The following SH2D7 variants were observed in gnomAD, a reference collection of about 807,000 sequenced individuals.
The protein encoded by SH2D7 is SH2 domain-containing protein 7.
In SH2D7, 32 loss-of-function variants were observed where a neutral mutation model predicts 40.8. The ratio of observed to expected loss-of-function variants is 0.78; its 90% CI spans 0.59 to 1.05. SH2D7 has a LOEUF of 1.05. Among genes scored for constraint, SH2D7 ranks in the 50% least tolerant of loss-of-function variants. The probability of loss-of-function intolerance (pLI) is 0.00; values close to 1 mark genes in which losing one functional copy is unlikely to be tolerated. For synonymous variants in SH2D7, 195 were observed against 221.5 expected (o/e 0.88, Z 1.06); for missense variants, 559 against 566.6 (o/e 0.99, Z 0.14).
intron 5 of SH2D7, 85 bp from the exon 6 acceptor site, chr15:78,103,380 A>G (rs1284436604): frequency 6.7e-7 from 1 of 1,493,818 alleles, no homozygotes; most frequent in Non-Finnish European, 9.1e-7. Context: ...CCCCCAACCC[A>G]AGGTCAATGA....
intron 2 of SH2D7, among the ~76,000 whole-genome samples, chr15:78,096,869 C>T (rs550374113): frequency 6.6e-6 from 1 of 152,230 alleles, no homozygotes; most frequent in South Asian, 2.1e-4. Flanking sequence ...ACCCTTGACC[C>T]ATCAACTCTA....
Position 78,101,465 on chromosome 15 carries a change from G to A in SH2D7, c.1212G>A (p.Lys404=), listed in dbSNP as rs1278364155. 1 of 1,613,316 alleles carries A rather than the reference G, an allele frequency of 6.2e-7. No individual in the cohort carries two copies. Among genetic ancestry groups the A allele is most frequent in the South Asian group, 1.1e-5 (1 of 90,988 alleles). The change falls in exon 5 of 6, where the codon AAG becomes AAA. Residue 404 remains lysine (K), a synonymous_variant. Transcript: ENST00000328828. The part of the protein sequence containing the change: ...PTYSPWVHGY[K]RISGTPELSE... Reference sequence around the variant, plus strand: ...ATAGCCCATGGGTCCATGGCTACAAGAGGATCTCAGGGACCCCAGAGCTCT... The same window carrying A: ...ATAGCCCATGGGTCCATGGCTACAAAAGGATCTCAGGGACCCCAGAGCTCT...
At chr15:78,090,602 G>A (rs1329043576), upstream of SH2D7, among the ~76,000 whole-genome samples, 2 of 149,544 alleles carry the variant, frequency 1.3e-5, no homozygotes, top group African/African-American at 5.0e-5. Context: ...CAGACCTTCT[G>A]TATTTCAGAA....
chr15:78,098,228 G>T (rs1450982513), intron 3 of SH2D7, 134 bp downstream of exon 3: 7 of 1,402,346 alleles, frequency 5.0e-6, no homozygotes, highest in Non-Finnish European at 5.8e-6. Context: ...GTGGGGTCAT[G>T]ATCCCTATTG....
Position 78,101,132 on chromosome 15 carries a change from T to C in SH2D7, c.879T>C (p.Asp293=). ...RLSDGEQNRP[D]GLGPVLSGVS... ...CAGATGGAGAACAGAACAGGCCTGATGGCCTGGGGCCTGTCCTTTCTGGGG... is the reference window on the plus strand; with the variant it reads ...CAGATGGAGAACAGAACAGGCCTGACGGCCTGGGGCCTGTCCTTTCTGGGG... Residue 293 remains aspartate (D), a synonymous_variant, in exon 5 of 6, where the codon GAT becomes GAC. Transcript: ENST00000328828. 6.4e-7 allele frequency: 1 copy of C among 1,560,576 alleles called. No individual in the cohort carries two copies. Among genetic ancestry groups the C allele is most frequent in the South Asian group, 1.2e-5 (1 of 81,164 alleles).
chr15:78,094,820 A>G (rs1164028694), intron 2 of SH2D7, among the ~76,000 whole-genome samples: 1 of 152,136 alleles, frequency 6.6e-6, no homozygotes, highest in Non-Finnish European at 1.5e-5. Flanking sequence ...GACTCCTGCA[A>G]TTGCCTGGAT....
chr15:78,092,487 T>G, upstream of SH2D7: 2 of 1,333,980 alleles, frequency 1.5e-6, no homozygotes, highest in Non-Finnish European at 2.0e-6. Context: ...TATGGGCCCT[T>G]GGGTAGGGCA....
Position 78,100,968 on chromosome 15 carries a change from A to C in SH2D7, c.715A>C (p.Ser239Arg). 6.2e-7 allele frequency: 1 copy of C among 1,613,956 alleles called. No homozygotes were observed. The highest frequency in any genetic ancestry group is 8.5e-7 in the Non-Finnish European group (1 of 1,179,882). Residue 239 changes from serine to arginine, a missense_variant, in exon 5 of 6, where the codon AGT (serine) becomes CGT (arginine). Transcript: ENST00000328828. The stretch of plus-strand genomic sequence containing the variant: ...CCTGGAAGAGTCTTTTGGAGGCCCC[A>C]GTGACATCATCTATGCAGACCTGAG... ...SLLEESFGGP[S>R]DIIYADLRRM...
At chr15:78,100,447 C>T (rs1486886708) in intron 4 of SH2D7, among the ~76,000 whole-genome samples, 6 of 152,124 alleles carry the variant, frequency 3.9e-5, no homozygotes, top group Non-Finnish European at 8.8e-5. Context: ...CCTGTAATCC[C>T]AGCACTTTGG....
In SH2D7 at chr15:78,097,868, CT is replaced by C. The variant is rs747815116; in HGVS notation, c.267-60del. 740 of 1,584,202 alleles carry C rather than the reference CT, an allele frequency of 4.7e-4. 1 individual carries two copies. The highest frequency in any genetic ancestry group is 6.1e-4 in the Non-Finnish European group (707 of 1,164,826). On this transcript the variant is annotated intron_variant, in intron 2 of 5. Coordinates refer to ENST00000328828, the MANE Select transcript of SH2D7 (RefSeq NM_001101404.2). ...TGCACCCAGGCACAGAGCTCAGACC[CT>C]GGGCCAAGGCTGGGCTGCCTGTGAC...
At chr15:78,090,407 C>CTAAA (rs540151382), upstream of SH2D7, among the ~76,000 whole-genome samples, 94 of 151,856 alleles carry the variant, frequency 6.2e-4, no homozygotes, top group African/African-American at 1.9e-3. Context: ...GGCTCTGTCT[C>CTAAA]TAAATAAATA....
chr15:78,098,050 C>G lies in SH2D7; in HGVS notation c.388C>G (p.Gln130Glu). 1 of 1,613,806 alleles carries G rather than the reference C, an allele frequency of 6.2e-7. No individual in the cohort carries two copies. The highest frequency in any genetic ancestry group is 8.5e-7 in the Non-Finnish European group (1 of 1,179,784). The part of the protein sequence containing the change: ...AELVHHYQEA[Q>E]LEPFKEMLTA... Reference sequence around the variant, plus strand: ...GCTTGTGCACCATTACCAGGAGGCACAGCTCGAGCCCTTCAAAGAGATGCT... The same window carrying G: ...GCTTGTGCACCATTACCAGGAGGCAGAGCTCGAGCCCTTCAAAGAGATGCT... Residue 130 changes from glutamine to glutamate, a missense_variant, in exon 3 of 6, where the codon CAG becomes GAG. Gln to Glu is a conservative substitution (Grantham distance 29). Coordinates refer to ENST00000328828, the MANE Select transcript of SH2D7 (RefSeq NM_001101404.2).
Position 78,098,057 on chromosome 15 carries a change from A to C in SH2D7, c.395A>C (p.Glu132Ala). The C allele has an allele frequency of 6.2e-7, 1 of 1,613,524 alleles. No individual in the cohort carries two copies. The highest frequency in any genetic ancestry group is 8.5e-7 in the Non-Finnish European group (1 of 1,179,688). Reference protein sequence around the residue: ...LVHHYQEAQLEPFKEMLTAAC... With the variant: ...LVHHYQEAQLAPFKEMLTAAC... ...CACCATTACCAGGAGGCACAGCTCG[A>C]GCCCTTCAAAGAGATGCTGACTGCT... The change falls in exon 3 of 6, where the codon GAG (glutamate) becomes GCG (alanine). Residue 132 changes from glutamate (E) to alanine (A), a missense_variant. Coordinates refer to ENST00000328828, the MANE Select transcript of SH2D7 (RefSeq NM_001101404.2).
intron 1 of SH2D7, among the ~76,000 whole-genome samples, chr15:78,093,225 A>AGGAATGG: frequency 6.6e-6 from 1 of 152,298 alleles, no homozygotes; most frequent in East Asian, 1.9e-4. Context: ...AGCAGCCAAA[A>AGGAATGG]CACCTGATGA....
intron 4 of SH2D7, 47 bp from the exon 5 acceptor site, chr15:78,100,852 T>C: frequency 1.3e-6 from 2 of 1,585,774 alleles, no homozygotes; most frequent in Non-Finnish European, 1.7e-6. Context: ...GAGGGCATCT[T>C]AGTGATGGGC....
chr15:78,095,292 G>A (rs1230290975), intron 2 of SH2D7, among the ~76,000 whole-genome samples: 1 of 152,206 alleles, frequency 6.6e-6, no homozygotes, highest in Non-Finnish European at 1.5e-5. Context: ...CAGACACTGT[G>A]CTAGGCATTT....
At chr15:78,095,112 TCCC>T (rs1266209928) in intron 2 of SH2D7, among the ~76,000 whole-genome samples, 1 of 152,190 alleles carries the variant, frequency 6.6e-6, no homozygotes, top group Non-Finnish European at 1.5e-5. Flanking sequence ...GCTTCTCTGT[TCCC>T]CCGTTTCCTC....
At chr15:78,102,552 A>AGTG (rs936171706) in intron 5 of SH2D7, among the ~76,000 whole-genome samples, 2 of 151,808 alleles carry the variant, frequency 1.3e-5, no homozygotes, top group African/African-American at 2.4e-5. Context: ...TGGTGGTGGT[A>AGTG]GTGGTGGTGG....
intron 4 of SH2D7, among the ~76,000 whole-genome samples, chr15:78,099,365 G>C (rs2073997247): frequency 6.6e-6 from 1 of 151,758 alleles, no homozygotes; most frequent in Admixed American, 6.6e-5. Flanking sequence ...CAGACTAGAG[G>C]GCAGTGGCAC....
Sources: gnomAD v4.1 joint callset for allele counts (sites outside exome capture counted in the v4.1 genomes callset) on GRCh38, gnomAD v4.1.1 for gene constraint, MANE v1.5 for transcripts, NCBI Gene and HGNC (gene_info 2026-07-23, HGNC 2026-07-21) for gene names.